The following OTC variants were observed in gnomAD, a reference collection of about 807,000 sequenced individuals.
OTC encodes ornithine transcarbamylase, mitochondrial.
In OTC, 3 loss-of-function variants were observed where a neutral mutation model predicts 30.3. The observed-to-expected ratio is 0.10, with a 90% CI of 0.05 to 0.26. The LOEUF is 0.26. Ranked by LOEUF, OTC falls within the 10% of genes least tolerant of loss-of-function variation. OTC has a pLI of 1.00. For missense variants in OTC, 194 were observed against 260.3 expected (o/e 0.75, Z 1.75); for synonymous variants, 111 against 99.7 (o/e 1.11, Z -0.67).
intron 4 of OTC, among the ~76,000 whole-genome samples, chrX:38,399,131 T>G (rs1434975336): frequency 3.6e-5 from 4 of 111,687 alleles, no homozygotes; most frequent in Admixed American, 1.9e-4. Flanking sequence ...CTTTCAAAAA[T>G]ATGGCAGTCT....
At chrX:38,398,603 C>G (rs1569278871) in intron 4 of OTC, among the ~76,000 whole-genome samples, 1 of 110,702 alleles carries the variant, frequency 9.0e-6, no homozygotes. Flanking sequence ...CTGCCCCCAC[C>G]CTCTCCTTCT....
At chrX:38,417,035 G>A (rs1478910839) in intron 9 of OTC, among the ~76,000 whole-genome samples, 1 of 111,669 alleles carries the variant, frequency 9.0e-6, no homozygotes, top group Non-Finnish European at 1.9e-5. Context: ...ACTCTTAAGT[G>A]GTTCCCAAGG....
the OTC span, among the ~76,000 whole-genome samples, chrX:38,328,303 CTT>C: frequency 7.0e-4 from 79 of 112,419 alleles, no homozygotes; most frequent in African/African-American, 2.4e-3. Flanking sequence ...CTGAATTACT[CTT>C]GTGTGTTACC....
chrX:38,403,191 G>C (rs1180632463), intron 5 of OTC, among the ~76,000 whole-genome samples: 1 of 111,719 alleles, frequency 9.0e-6, no homozygotes, highest in African/African-American at 3.3e-5. Context: ...CACTGTTCCA[G>C]GTATTCTGTA....
chrX:38,394,865 C>T (rs1341670302), intron 4 of OTC, among the ~76,000 whole-genome samples: 1 of 104,182 alleles, frequency 9.6e-6, no homozygotes, highest in African/African-American at 3.6e-5. Context: ...ATACGGCTGA[C>T]TTTCTTTTGA....
intron 1 of OTC, among the ~76,000 whole-genome samples, chrX:38,361,544 C>A (rs1434484800): frequency 8.9e-6 from 1 of 111,827 alleles, no homozygotes. Context: ...ATTAAAGGAA[C>A]TCTCACAGAT....
chrX:38,393,709 T>C (rs1224113352), intron 4 of OTC, among the ~76,000 whole-genome samples: 2 of 112,568 alleles, frequency 1.8e-5, no homozygotes, highest in East Asian at 5.5e-4. Context: ...TTTTTTGTCA[T>C]GGAATCTATA....
At chrX:38,374,736 C>G (rs1190383700) in intron 3 of OTC, among the ~76,000 whole-genome samples, 2 of 111,582 alleles carry the variant, frequency 1.8e-5, no homozygotes, top group East Asian at 5.7e-4. Context: ...CCAGGAGGTC[C>G]GAAACTTTGT....
chrX:38,358,620 A>ATTTTTTTT (rs1194488054), intron 1 of OTC, among the ~76,000 whole-genome samples: 1 of 88,333 alleles, frequency 1.1e-5, no homozygotes, highest in Non-Finnish European at 2.2e-5. Context: ...CTGTGGTGGA[A>ATTTTTTTT]TTTTTTTTTT....
chrX:38,358,093 T>C (rs924578374), intron 1 of OTC, among the ~76,000 whole-genome samples: 1 of 111,286 alleles, frequency 9.0e-6, no homozygotes, highest in Admixed American at 9.6e-5. Flanking sequence ...TACAGGAGAC[T>C]CGAATAATGC....
At chrX:38,382,343 G>C (rs1222861318) in intron 4 of OTC, among the ~76,000 whole-genome samples, 1 of 112,023 alleles carries the variant, frequency 8.9e-6, no homozygotes, top group Admixed American at 9.5e-5. Context: ...CAGAGCAAAT[G>C]TCTTTGTTAA....
intron 3 of OTC, 80 bp downstream of exon 3, chrX:38,369,957 G>A: frequency 1.6e-6 from 1 of 625,049 alleles, no homozygotes; most frequent in Non-Finnish European, 2.7e-6. Context: ...CCCAGTGCGG[G>A]GATTTGTCTG....
At chrX:38,357,335 T>C (rs888309713) in intron 1 of OTC, among the ~76,000 whole-genome samples, 2 of 112,487 alleles carry the variant, frequency 1.8e-5, no homozygotes, top group Non-Finnish European at 3.8e-5. Context: ...TATCCTTTTT[T>C]AGGTACAGCC....
At chrX:38,386,386 AATAT>A (rs1555974125) in intron 4 of OTC, among the ~76,000 whole-genome samples, 6 of 88,945 alleles carry the variant, frequency 6.7e-5, no homozygotes, top group Non-Finnish European at 1.1e-4. Context: ...AAAAAAAAAA[AATAT>A]ATATATATAT....
intron 3 of OTC, among the ~76,000 whole-genome samples, chrX:38,374,184 AAAG>A (rs1236332884): frequency 8.9e-6 from 1 of 111,867 alleles, no homozygotes; most frequent in Non-Finnish European, 1.9e-5. Flanking sequence ...AAAAAGATAA[AAAG>A]AAGAAGAAAT....
the OTC span, among the ~76,000 whole-genome samples, chrX:38,332,459 T>C: frequency 2.2e-5 from 2 of 91,157 alleles, no homozygotes; most frequent in South Asian, 1.2e-3. Context: ...TGTGGACCAC[T>C]GATATATATG....
the OTC span, among the ~76,000 whole-genome samples, chrX:38,336,668 C>T: frequency 4.5e-5 from 5 of 110,902 alleles, no homozygotes; most frequent in Non-Finnish European, 9.4e-5. Context: ...GTCATAGTCT[C>T]CAGAGCAAAG....
At chrX:38,341,185 G>A in the OTC span, among the ~76,000 whole-genome samples, 1 of 111,677 alleles carries the variant, frequency 9.0e-6, no homozygotes, top group East Asian at 2.8e-4. Flanking sequence ...TGTTCATATT[G>A]TTTTGCTCCC....
At chrX:38,375,336 G>A (rs1448007910) in intron 3 of OTC, among the ~76,000 whole-genome samples, 1 of 112,141 alleles carries the variant, frequency 8.9e-6, no homozygotes, top group African/African-American at 3.2e-5. Context: ...GGATGATCTT[G>A]AACAAAGGAG....
Sources: gnomAD v4.1 joint callset for allele counts (sites outside exome capture counted in the v4.1 genomes callset) on GRCh38, gnomAD v4.1.1 for gene constraint, MANE v1.5 for transcripts, NCBI Gene and HGNC (gene_info 2026-07-23, HGNC 2026-07-21) for gene names.